Variants in ZNF536 observed in about 807,000 individuals in gnomAD.
ZNF536 encodes the protein zinc finger protein 536.
A neutral mutation model predicts 84.5 loss-of-function variants in ZNF536; 13 were observed. The observed-to-expected ratio is 0.15, with a 90% CI of 0.10 to 0.24. The LOEUF (loss-of-function observed/expected upper bound fraction) is 0.24. Among genes scored for constraint, ZNF536 ranks in the 10% least tolerant of loss-of-function variants. ZNF536 has a pLI of 1.00. For synonymous variants in ZNF536, 811 were observed against 742.5 expected (o/e 1.09, Z -1.50); for missense variants, 1,536 against 1,747.5 (o/e 0.88, Z 2.16).
At chr19:30,247,025 C>T (rs995025811) in intron 1 of ZNF536, among the ~76,000 whole-genome samples, 26 of 152,208 alleles carry the variant, frequency 1.7e-4, no homozygotes, top group Admixed American at 3.3e-4. Context: ...GGGAGTCCCA[C>T]GTCCCCTGGG....
intron 2 of ZNF536, among the ~76,000 whole-genome samples, chr19:30,523,169 G>C (rs971961471): frequency 2.0e-5 from 3 of 152,106 alleles, no homozygotes; most frequent in East Asian, 1.9e-4. Context: ...CCAGGGACAC[G>C]AACACTGAAA....
At chr19:30,567,022 C>T (rs923721866) in intron 1 of ZNF536, among the ~76,000 whole-genome samples, 1 of 151,778 alleles carries the variant, frequency 6.6e-6, no homozygotes, top group Non-Finnish European at 1.5e-5. Context: ...GTGGCCTCTC[C>T]GGGTAGTGGC....
chr19:30,366,621 T>TATCTATC (rs1234065597), intron 3 of ZNF536, among the ~76,000 whole-genome samples: 1 of 147,354 alleles, frequency 6.8e-6, no homozygotes, highest in South Asian at 2.2e-4. Context: ...TCTATCTATC[T>TATCTATC]ATCTATCATC....
At chr19:30,490,369 T>C (rs954564328) in intron 2 of ZNF536, among the ~76,000 whole-genome samples, 11 of 152,206 alleles carry the variant, frequency 7.2e-5, no homozygotes, top group African/African-American at 2.7e-4. Context: ...TTAGAATATA[T>C]AGACCCTTTC....
intron 2 of ZNF536, among the ~76,000 whole-genome samples, chr19:30,449,537 A>G (rs1001105321): frequency 3.9e-5 from 6 of 152,206 alleles, no homozygotes; most frequent in African/African-American, 7.2e-5. Flanking sequence ...ACTGTTCATT[A>G]TATCCAACAG....
chr19:30,486,213 C>T (rs2054296253), intron 2 of ZNF536, among the ~76,000 whole-genome samples: 1 of 152,126 alleles, frequency 6.6e-6, no homozygotes, highest in South Asian at 2.1e-4. Flanking sequence ...AGGTATTAAG[C>T]CCAGCATGCA....
intron 2 of ZNF536, among the ~76,000 whole-genome samples, chr19:30,334,236 G>A (rs1428881539): frequency 6.6e-6 from 1 of 152,212 alleles, no homozygotes; most frequent in East Asian, 1.9e-4. Context: ...AAGTTTGAAT[G>A]TTGGTAATGG....
intron 2 of ZNF536, among the ~76,000 whole-genome samples, chr19:30,462,747 G>GGAATAGGGTGTGTGTTGTGT (rs1218769422): frequency 3.3e-5 from 5 of 151,898 alleles, no homozygotes; most frequent in African/African-American, 1.2e-4. Context: ...GTGTTGGAAT[G>GGAATAGGGTGTGTGTTGTGT]GGATAGGGTG....
chr19:30,469,000 G>A (rs1207910198), intron 2 of ZNF536, among the ~76,000 whole-genome samples: 2 of 152,090 alleles, frequency 1.3e-5, no homozygotes, highest in African/African-American at 2.4e-5. Flanking sequence ...CCTGGCACCT[G>A]GAAGACCCAG....
intron 1 of ZNF536, among the ~76,000 whole-genome samples, chr19:30,671,705 G>A (rs2050561223): frequency 6.6e-6 from 1 of 152,114 alleles, no homozygotes; most frequent in Non-Finnish European, 1.5e-5. Flanking sequence ...TAGCACCTGC[G>A]CTATCTCAGG....
At chr19:30,693,346 CT>C (rs1201318001) in intron 1 of ZNF536, among the ~76,000 whole-genome samples, 1 of 152,178 alleles carries the variant, frequency 6.6e-6, no homozygotes, top group Non-Finnish European at 1.5e-5. Flanking sequence ...CCCCCTCCCC[CT>C]GATGTAAAGC....
At chr19:30,426,967 GCATCCATCCATCCATGTATCCATC>G (rs979776576) in intron 1 of ZNF536, among the ~76,000 whole-genome samples, 99 of 152,142 alleles carry the variant, frequency 6.5e-4, no homozygotes, top group African/African-American at 2.2e-3. Flanking sequence ...ATTGATCCAT[GCATCCATCCATCCATGTATCCATC>G]CATCCATCCA....
intron 1 of ZNF536, among the ~76,000 whole-genome samples, chr19:30,633,173 G>T (rs1230056412): frequency 6.6e-6 from 1 of 152,180 alleles, no homozygotes; most frequent in African/African-American, 2.4e-5. Flanking sequence ...TTGTTCACAG[G>T]TATAGAAGAA....
rs2052535351 is a variant in ZNF536 at position 30,450,162 on chromosome 19, G to A, written c.2170+4430G>A. On this transcript the variant is annotated intron_variant, in intron 2 of 4. Transcript: ENST00000355537. ...TAGTAACTGAGCAGAGTTAGCTGAT[G>A]AACACAATTTTCCAGTAGACTGAGC... 6.8e-5 allele frequency among the ~76,000 whole-genome samples: 10 copies of A among 147,592 alleles called. No homozygotes were observed. The Admixed American group carries it at 6.8e-4, about 10-fold the overall frequency.
At chr19:30,574,116 T>C (rs768062033) in intron 1 of ZNF536, among the ~76,000 whole-genome samples, 1 of 152,236 alleles carries the variant, frequency 6.6e-6, no homozygotes, top group Non-Finnish European at 1.5e-5. Flanking sequence ...TCATACTAGC[T>C]GCAATAGTAT....
At chr19:30,416,132 A>G (rs2050721187) in intron 1 of ZNF536, among the ~76,000 whole-genome samples, 1 of 152,212 alleles carries the variant, frequency 6.6e-6, no homozygotes. Context: ...TAAAGAAAAT[A>G]TATGCAATCA....
At chr19:30,452,146 C>T (rs779199310) in intron 2 of ZNF536, among the ~76,000 whole-genome samples, 1 of 152,158 alleles carries the variant, frequency 6.6e-6, no homozygotes, top group African/African-American at 2.4e-5. Flanking sequence ...CTGACTCTTA[C>T]CCACTCCCAT....
At chr19:30,368,175 T>C (rs1238145628), upstream of ZNF536, among the ~76,000 whole-genome samples, 2 of 152,206 alleles carry the variant, frequency 1.3e-5, no homozygotes, top group African/African-American at 2.4e-5. Context: ...GAGAGACTCA[T>C]GGAGGGCAGA....
chr19:30,273,749 A>C (rs1323960246), intron 1 of ZNF536, among the ~76,000 whole-genome samples: 1 of 152,212 alleles, frequency 6.6e-6, no homozygotes, highest in African/African-American at 2.4e-5. Context: ...TACTTTAGCC[A>C]GTGGCTTTTA....
Sources: allele counts gnomAD v4.1 joint callset (sites outside exome capture counted in the v4.1 genomes callset), GRCh38; gene constraint gnomAD v4.1.1; transcripts MANE v1.5; gene names NCBI Gene and HGNC (gene_info 2026-07-23, HGNC 2026-07-21).